Variants in KCNH8 observed in about 807,000 individuals in gnomAD.
KCNH8 encodes the protein potassium voltage-gated channel subfamily H member 8.
KCNH8 carries 70 observed loss-of-function variants against 103.6 expected under a neutral mutation model. The observed-to-expected ratio is 0.68, with a 90% confidence interval of 0.56 to 0.82. The LOEUF (loss-of-function observed/expected upper bound fraction) is 0.82. Among genes scored for constraint, KCNH8 ranks in the 40% least tolerant of loss-of-function variants. KCNH8 has a pLI of 0.00. For synonymous variants in KCNH8, 498 were observed against 489.4 expected, an observed-to-expected ratio of 1.02 and a Z score of -0.23; for missense variants, 1,217 against 1,329.9, an observed-to-expected ratio of 0.92 and a Z score of 1.32.
intron 15 of KCNH8, among the ~76,000 whole-genome samples, chr3:19,531,506 C>T (rs2069160437): frequency 6.6e-6 from 1 of 152,146 alleles, no homozygotes; most frequent in South Asian, 2.1e-4. Flanking sequence ...TGCTGAAAAG[C>T]CTGGACAAGT....
intron 8 of KCNH8, among the ~76,000 whole-genome samples, chr3:19,441,936 G>C (rs1367706149): frequency 6.6e-6 from 1 of 152,174 alleles, no homozygotes; most frequent in Admixed American, 6.5e-5. Flanking sequence ...ATCCAGTTTG[G>C]AGGAGATGGG....
At position 19,535,361 on chromosome 3, in the gene KCNH8, T is replaced by C. The variant is rs2069247061; in HGVS notation, c.*1262T>C. The C allele has an allele frequency of 6.6e-6, 1 of 152,200 alleles. No homozygotes were observed. Among genetic ancestry groups the C allele is most frequent in the South Asian group, 2.1e-4 (1 of 4,836 alleles). 9.4% of individuals were successfully genotyped at this position (152,200 alleles called of 1,614,324 possible). A position where few individuals can be genotyped will look rare whatever the true frequency, so the allele number is the denominator to read the frequency against. On this transcript the variant is annotated 3_prime_UTR_variant, in exon 16 of 16. Transcript: ENST00000328405. ...CAGTTGTTTCCATTCCTATTTTTAATAAATCTCAGGGGAAGCCTCAGAGAT... is the reference window on the plus strand; with the variant it reads ...CAGTTGTTTCCATTCCTATTTTTAACAAATCTCAGGGGAAGCCTCAGAGAT...
At chr3:19,195,466 A>G (rs976302142) in intron 1 of KCNH8, among the ~76,000 whole-genome samples, 2 of 151,896 alleles carry the variant, frequency 1.3e-5, no homozygotes, top group African/African-American at 2.4e-5. Context: ...AGAGGAATTC[A>G]TGTCTCATCT....
At chr3:19,269,231 T>A (rs545146287) in intron 2 of KCNH8, among the ~76,000 whole-genome samples, 2 of 152,274 alleles carry the variant, frequency 1.3e-5, no homozygotes, top group East Asian at 3.9e-4. Context: ...AAGCAAGTTA[T>A]CACTGGAGAG....
chr3:19,293,914 G>C (rs1423883784), intron 3 of KCNH8, among the ~76,000 whole-genome samples: 1 of 152,156 alleles, frequency 6.6e-6, no homozygotes, highest in Non-Finnish European at 1.5e-5. Flanking sequence ...TGGCTCTTCA[G>C]AGATAGATAA....
intron 1 of KCNH8, among the ~76,000 whole-genome samples, chr3:19,219,315 T>C (rs1170867137): frequency 6.6e-6 from 1 of 152,178 alleles, no homozygotes; most frequent in Non-Finnish European, 1.5e-5. Flanking sequence ...CAAACTCTTT[T>C]GTCTGTTGCT....
rs934621491 is a variant in KCNH8 at position 19,400,622 on chromosome 3, C to T, written c.1177+5311C>T. ...TGCCTAAAAGTGTATCTGTATCATGCGGGGTAGGGTGGGAAGGCCAAGAAT... is the reference window on the plus strand; with the variant it reads ...TGCCTAAAAGTGTATCTGTATCATGTGGGGTAGGGTGGGAAGGCCAAGAAT... On this transcript the variant is annotated intron_variant, in intron 7 of 15. Coordinates refer to ENST00000328405, the MANE Select transcript of KCNH8 (RefSeq NM_144633.3). Among the ~76,000 whole-genome samples, 6 of 151,624 alleles carry T rather than the reference C, an allele frequency of 4.0e-5. No homozygotes were observed. The East Asian group carries it at 7.7e-4, about 20-fold the overall frequency.
chr3:19,502,830 G>A (rs557987513), intron 11 of KCNH8, among the ~76,000 whole-genome samples: 7,879 of 150,470 alleles, frequency 0.052, 189 homozygotes, highest in South Asian at 0.074. Context: ...AACCCTAGAA[G>A]AAAACCTAGG....
At chr3:19,479,340 T>C (rs926853591) in intron 11 of KCNH8, among the ~76,000 whole-genome samples, 36 of 152,264 alleles carry the variant, frequency 2.4e-4, no homozygotes, top group African/African-American at 8.2e-4. Context: ...TTAGTCTTGA[T>C]CTCAAAACTC....
chr3:19,352,634 C>T (rs986395335), intron 5 of KCNH8, among the ~76,000 whole-genome samples: 1 of 152,150 alleles, frequency 6.6e-6, no homozygotes, highest in Non-Finnish European at 1.5e-5. Context: ...TGAATGACTA[C>T]TGGATACATA....
intron 7 of KCNH8, among the ~76,000 whole-genome samples, chr3:19,397,380 A>G (rs761181086): frequency 6.6e-6 from 1 of 151,678 alleles, no homozygotes; most frequent in Non-Finnish European, 1.5e-5. Flanking sequence ...TTTGGGCCTC[A>G]GTGTCCTCGT....
chr3:19,386,017 G>T (rs2066351337), intron 5 of KCNH8, among the ~76,000 whole-genome samples: 1 of 152,080 alleles, frequency 6.6e-6, no homozygotes, highest in Non-Finnish European at 1.5e-5. Context: ...TGTCATGGAT[G>T]CTAATAAAGA....
chr3:19,515,600 T>G (rs946930424), intron 14 of KCNH8, among the ~76,000 whole-genome samples, 172 bp downstream of exon 14: 21 of 151,958 alleles, frequency 1.4e-4, no homozygotes, highest in African/African-American at 4.8e-4. Context: ...ATTTCCAAGT[T>G]AAGATGTCAT....
chr3:19,274,816 TTTCCC>T (rs1226650901), intron 2 of KCNH8, among the ~76,000 whole-genome samples: 5 of 121,554 alleles, frequency 4.1e-5, no homozygotes, highest in African/African-American at 3.4e-5. Flanking sequence ...CATAACTTGA[TTTCCC>T]TTCCCTTCCC....
intron 2 of KCNH8, among the ~76,000 whole-genome samples, chr3:19,276,055 A>G (rs1262178238): frequency 6.6e-6 from 1 of 152,004 alleles, no homozygotes; most frequent in Non-Finnish European, 1.5e-5. Context: ...TTCAGTTAGG[A>G]CTGAATTACT....
At chr3:19,371,001 G>A (rs1250542075) in intron 5 of KCNH8, among the ~76,000 whole-genome samples, 2 of 152,110 alleles carry the variant, frequency 1.3e-5, no homozygotes, top group African/African-American at 2.4e-5. Flanking sequence ...TCTTAATCCA[G>A]TCTATTACTG....
chr3:19,159,159 A>T (rs2063209531), intron 1 of KCNH8, among the ~76,000 whole-genome samples: 1 of 151,760 alleles, frequency 6.6e-6, no homozygotes, highest in African/African-American at 2.4e-5. Flanking sequence ...TTTCTGTGTT[A>T]TTGAATCAAT....
At chr3:19,447,659 T>C (rs2067382554) in intron 8 of KCNH8, among the ~76,000 whole-genome samples, 1 of 152,002 alleles carries the variant, frequency 6.6e-6, no homozygotes, top group Non-Finnish European at 1.5e-5. Flanking sequence ...GATGTTTAAT[T>C]TCTTTGACTT....
intron 3 of KCNH8, among the ~76,000 whole-genome samples, chr3:19,316,886 A>G (rs1482084915): frequency 1.3e-5 from 2 of 151,894 alleles, no homozygotes; most frequent in Non-Finnish European, 2.9e-5. Flanking sequence ...TTCCAGCTCC[A>G]TTTCTGGCAC....
Sources: gnomAD v4.1 joint callset for allele counts (sites outside exome capture counted in the v4.1 genomes callset) on GRCh38, gnomAD v4.1.1 for gene constraint, MANE v1.5 for transcripts, NCBI Gene and HGNC (gene_info 2026-07-23, HGNC 2026-07-21) for gene names.